The following ZFHX4 variants were observed in gnomAD, a reference collection of about 807,000 sequenced individuals.
ZFHX4 encodes the protein zinc finger homeobox protein 4.
Under a neutral mutation model 267.6 loss-of-function variants are expected in ZFHX4, and 56 were observed. The ratio of observed to expected loss-of-function variants is 0.21; its 90% confidence interval spans 0.17 to 0.26. ZFHX4 has a LOEUF of 0.26. Among genes scored for constraint, ZFHX4 ranks in the 10% least tolerant of loss-of-function variants. The pLI is 1.00. For missense variants in ZFHX4, 4,332 were observed against 4,420.0 expected (o/e 0.98, Z 0.56); for synonymous variants, 1,778 against 1,665.6 (o/e 1.07, Z -1.64).
rs1405979515 is a variant in ZFHX4, at chr8:76,705,662, C to T, written c.1574C>T (p.Ser525Phe). 7 of 1,613,988 alleles carry T rather than the reference C, an allele frequency of 4.3e-6. No homozygotes were observed. In the African/African-American group the frequency reaches 9.3e-5, roughly 22 times the overall value. Reference sequence around the variant, plus strand: ...TTTATTGAAAAGGGTACCTCGTCCTCCTCGGCGACTGTTTCTGATGACACA... The same window carrying T: ...TTTATTGAAAAGGGTACCTCGTCCTTCTCGGCGACTGTTTCTGATGACACA... ...LKFIEKGTSSSSATVSDDTEK... is the reference protein window; with the variant it reads ...LKFIEKGTSSFSATVSDDTEK... Residue 525 changes from serine to phenylalanine, a missense_variant, in exon 2 of 11, where the codon TCC becomes TTC. By Grantham distance (155) the Ser-to-Phe change is radical. Coordinates refer to ENST00000651372, the MANE Select transcript of ZFHX4 (RefSeq NM_024721.5).
chr8:76,695,764 TC>T (rs1189108623), intron 1 of ZFHX4, among the ~76,000 whole-genome samples: 1 of 152,232 alleles, frequency 6.6e-6, no homozygotes, highest in African/African-American at 2.4e-5. Context: ...GATACCTGTT[TC>T]CTGCCCTTTG....
At chr8:76,725,619 G>C (rs1808831074) in intron 3 of ZFHX4, among the ~76,000 whole-genome samples, 1 of 152,072 alleles carries the variant, frequency 6.6e-6, no homozygotes. Context: ...ATCGCTTATT[G>C]ATCGTTACCA....
chr8:76,834,199 G>A, intron 5 of ZFHX4: 1 of 424,394 alleles, frequency 2.4e-6, no homozygotes, highest in South Asian at 1.7e-5. Flanking sequence ...ATGAGCATCG[G>A]TGTCCAGGCT....
intron 1 of ZFHX4, among the ~76,000 whole-genome samples, chr8:76,699,188 A>C (rs1808036619): frequency 6.6e-6 from 1 of 152,192 alleles, no homozygotes; most frequent in South Asian, 2.1e-4. Context: ...ATATATTTCT[A>C]TCTTACAAGT....
chr8:76,775,472 C>T (rs1048646558), intron 3 of ZFHX4, among the ~76,000 whole-genome samples: 2 of 152,198 alleles, frequency 1.3e-5, no homozygotes, highest in East Asian at 3.9e-4. Context: ...CTTCTGACAA[C>T]TCCAACTTAA....
intron 4 of ZFHX4, among the ~76,000 whole-genome samples, chr8:76,779,238 AT>A (rs1282982898): frequency 6.6e-6 from 1 of 152,176 alleles, no homozygotes; most frequent in Non-Finnish European, 1.5e-5. Flanking sequence ...ATAAATCATT[AT>A]TATGTATTTA....
chr8:76,822,988 T>C (rs1406276502), intron 4 of ZFHX4, among the ~76,000 whole-genome samples: 1 of 152,192 alleles, frequency 6.6e-6, no homozygotes, highest in Non-Finnish European at 1.5e-5. Flanking sequence ...ATGTTCAAAA[T>C]TGAGCTTATC....
At chr8:76,713,310 T>C (rs1271388950) in intron 3 of ZFHX4, among the ~76,000 whole-genome samples, 1 of 138,548 alleles carries the variant, frequency 7.2e-6, no homozygotes, top group Non-Finnish European at 1.5e-5. Flanking sequence ...GATAGATAGA[T>C]AGATAGATGA....
chr8:76,702,973 C>CAA (rs1008560926), intron 1 of ZFHX4, among the ~76,000 whole-genome samples: 1 of 151,986 alleles, frequency 6.6e-6, no homozygotes, highest in African/African-American at 2.4e-5. Flanking sequence ...GACACACACA[C>CAA]ACACACACAC....
chr8:76,761,531 A>G (rs2131730540), intron 3 of ZFHX4, among the ~76,000 whole-genome samples: 1 of 152,204 alleles, frequency 6.6e-6, no homozygotes, highest in East Asian at 1.9e-4. Context: ...TTAGGTTATT[A>G]TATTGATTTA....
rs893724088 is a variant in ZFHX4, at chr8:76,866,606, T to C, written c.*2041T>C. ...TCCTGAATCCAAAGGCTTCAGAAAATTGCTTTTGCCTTTTTCATGAATGTT... is the reference window on the plus strand; with the variant it reads ...TCCTGAATCCAAAGGCTTCAGAAAACTGCTTTTGCCTTTTTCATGAATGTT... On this transcript the variant is annotated 3_prime_UTR_variant, in exon 11 of 11. Transcript: ENST00000651372. 3.3e-5 allele frequency: 5 copies of C among 152,424 alleles called. No individual in the cohort carries two copies. Among genetic ancestry groups the C allele is most frequent in the Admixed American group, 2.6e-4 (4 of 15,226 alleles). 9.4% of individuals were successfully genotyped at this position (152,424 alleles called of 1,614,324 possible).
chr8:76,835,223 A>ATATATATATATATATG (rs1812043568), intron 5 of ZFHX4, among the ~76,000 whole-genome samples: 8 of 99,042 alleles, frequency 8.1e-5, no homozygotes, highest in African/African-American at 4.7e-4. Context: ...ATATATGTAT[A>ATATATATATATATATG]TATATATATA....
chr8:76,838,719 A>T (rs1004892904), intron 5 of ZFHX4, among the ~76,000 whole-genome samples: 2 of 152,160 alleles, frequency 1.3e-5, no homozygotes, highest in East Asian at 1.9e-4. Context: ...TTCGTAGCAG[A>T]CTTAGAGGAG....
intron 3 of ZFHX4, among the ~76,000 whole-genome samples, chr8:76,752,485 TCCAAAAA>T (rs1462219577): frequency 0.014 from 330 of 23,926 alleles, 1 homozygote; most frequent in African/African-American, 0.053. Context: ...CTACCAAAAA[TCCAAAAA>T]AAAAAAAAAA....
intron 3 of ZFHX4, among the ~76,000 whole-genome samples, chr8:76,732,233 G>A (rs1017499432): frequency 6.6e-6 from 1 of 152,000 alleles, no homozygotes; most frequent in African/African-American, 2.4e-5. Context: ...TTTATCATGA[G>A]TTGAATATCT....
At chr8:76,818,169 G>A (rs887733164) in intron 4 of ZFHX4, among the ~76,000 whole-genome samples, 7 of 152,188 alleles carry the variant, frequency 4.6e-5, no homozygotes, top group Non-Finnish European at 1.0e-4. Context: ...GGAGGTATGA[G>A]GACATGAAAA....
chr8:76,858,648 C>T lies in ZFHX4; in HGVS notation c.9379+2348C>T, dbSNP rs1046998977. Among the ~76,000 whole-genome samples, 44 of 152,172 alleles carry T rather than the reference C, an allele frequency of 2.9e-4. 2 individuals are homozygous for T. On this transcript the variant is annotated intron_variant, in intron 10 of 10. Coordinates refer to ENST00000651372, the MANE Select transcript of ZFHX4 (RefSeq NM_024721.5). ...TGGTGGGTAGTGCTGACTATTTCAA[C>T]CAGCTCAGTAGAGCTGTGGTTCTCT...
At chr8:76,686,938 T>C (rs1308013898) in intron 1 of ZFHX4, among the ~76,000 whole-genome samples, 2 of 151,710 alleles carry the variant, frequency 1.3e-5, no homozygotes, top group Non-Finnish European at 3.0e-5. Flanking sequence ...GGGAGAGGGT[T>C]TCCCCCCCTT....
At chr8:76,858,208 G>A (rs1812780737) in intron 10 of ZFHX4, among the ~76,000 whole-genome samples, 1 of 152,206 alleles carries the variant, frequency 6.6e-6, no homozygotes, top group South Asian at 2.1e-4. Context: ...AAGTGAGAAA[G>A]GAGGAAAAGA....
Sources: allele counts gnomAD v4.1 joint callset (sites outside exome capture counted in the v4.1 genomes callset), GRCh38; gene constraint gnomAD v4.1.1; transcripts MANE v1.5; gene names NCBI Gene and HGNC (gene_info 2026-07-23, HGNC 2026-07-21).